Variants in ARHGEF11 observed in about 807,000 individuals in gnomAD.
ARHGEF11 encodes Rho guanine nucleotide exchange factor 11.
Under a neutral mutation model 193.7 loss-of-function variants are expected in ARHGEF11, and 55 were observed. The ratio of observed to expected loss-of-function variants is 0.28; its 90% CI spans 0.23 to 0.36. ARHGEF11 has a LOEUF of 0.36. ARHGEF11 is among the 10% of genes least tolerant of loss of function. The pLI is 1.00. For synonymous variants in ARHGEF11, 693 were observed against 768.0 expected (o/e 0.90, Z 1.62); for missense variants, 1,723 against 2,005.6 (o/e 0.86, Z 2.69).
chr1:156,997,724 C>A (rs1666720929), intron 1 of ARHGEF11, among the ~76,000 whole-genome samples: 1 of 150,648 alleles, frequency 6.6e-6, no homozygotes, highest in South Asian at 2.1e-4. Flanking sequence ...GTATAAAATG[C>A]ACATCAGATT....
At chr1:156,988,052 G>C (rs1665181615) in intron 1 of ARHGEF11, among the ~76,000 whole-genome samples, 1 of 152,200 alleles carries the variant, frequency 6.6e-6, no homozygotes, top group Non-Finnish European at 1.5e-5. Flanking sequence ...TCTGGCCTCA[G>C]CTAGGCCATT....
intron 1 of ARHGEF11, among the ~76,000 whole-genome samples, chr1:157,031,507 G>A (rs1432066291): frequency 6.6e-6 from 1 of 152,198 alleles, no homozygotes; most frequent in Non-Finnish European, 1.5e-5. Context: ...GCCAGGCCAT[G>A]TCATGTACCT....
intron 1 of ARHGEF11, among the ~76,000 whole-genome samples, chr1:157,012,370 AT>A (rs1668644992): frequency 6.6e-6 from 1 of 152,192 alleles, no homozygotes; most frequent in Non-Finnish European, 1.5e-5. Flanking sequence ...TAGGGTTTCC[AT>A]TTGGGATACT....
chr1:157,029,686 T>C (rs1165774294), intron 1 of ARHGEF11, among the ~76,000 whole-genome samples: 1 of 152,092 alleles, frequency 6.6e-6, no homozygotes, highest in Non-Finnish European at 1.5e-5. Flanking sequence ...CACAAAAACC[T>C]GCACACAAAT....
intron 1 of ARHGEF11, among the ~76,000 whole-genome samples, chr1:157,036,096 CATATATGAAT>C (rs1485014849): frequency 1.1e-4 from 15 of 135,394 alleles, no homozygotes; most frequent in East Asian, 6.2e-4. Flanking sequence ...TATGAAAATA[CATATATGAAT>C]ATATATGAAT....
chr1:156,980,527 T>C, intron 3 of ARHGEF11, 41 bp from the exon 4 acceptor site: 2 of 1,566,642 alleles, frequency 1.3e-6, no homozygotes, highest in Non-Finnish European at 1.7e-6. Context: ...CAACAACCTC[T>C]TCCACTGAAG....
intron 1 of ARHGEF11, among the ~76,000 whole-genome samples, chr1:157,013,321 T>G (rs1428872837): frequency 9.9e-6 from 1 of 100,910 alleles, no homozygotes; most frequent in Non-Finnish European, 2.3e-5. Context: ...CTCCGGTGGG[T>G]GGGTTTCTTT....
At chr1:156,951,923 C>T (rs1293065802) in intron 21 of ARHGEF11, among the ~76,000 whole-genome samples, 3 of 152,028 alleles carry the variant, frequency 2.0e-5, no homozygotes, top group Admixed American at 6.5e-5. Context: ...TTTCCTCATG[C>T]GCAAAATGAG....
chr1:156,993,230 TAAAA>T (rs2102575010), intron 1 of ARHGEF11, among the ~76,000 whole-genome samples: 1 of 152,326 alleles, frequency 6.6e-6, no homozygotes, highest in African/African-American at 2.4e-5. Flanking sequence ...TGCTCCTAAA[TAAAA>T]AATTATATGA....
chr1:156,938,910 T>TG (rs2101786922), intron 37 of ARHGEF11: 1 of 205,816 alleles, frequency 4.9e-6, no homozygotes, highest in Admixed American at 5.8e-5. Flanking sequence ...CTTCCCGGGG[T>TG]GGGGACCTTC....
chr1:156,936,491 A>AT (rs1553192701), intron 40 of ARHGEF11, among the ~76,000 whole-genome samples: 1 of 71,384 alleles, frequency 1.4e-5, no homozygotes, highest in African/African-American at 6.1e-5. Context: ...AAAAAAAAAA[A>AT]AAAAAAATAT....
chr1:156,995,376 G>T (rs980331893), intron 1 of ARHGEF11, among the ~76,000 whole-genome samples: 1 of 152,050 alleles, frequency 6.6e-6, no homozygotes, highest in Admixed American at 6.6e-5. Context: ...TTCAACCTCA[G>T]GGGCTTTCTC....
At chr1:156,982,613 C>T (rs1350211488) in intron 3 of ARHGEF11, among the ~76,000 whole-genome samples, 1 of 152,122 alleles carries the variant, frequency 6.6e-6, no homozygotes, top group African/African-American at 2.4e-5. Context: ...CCCTGTAAGC[C>T]ATCTTTTCCT....
chr1:157,007,917 T>TG (rs1668034776), intron 1 of ARHGEF11, among the ~76,000 whole-genome samples: 4 of 137,222 alleles, frequency 2.9e-5, no homozygotes, highest in African/African-American at 8.1e-5. Flanking sequence ...TTTTTTGTTT[T>TG]TTTTTTTTTT....
chr1:156,978,223 G>C lies in ARHGEF11; in HGVS notation c.491C>G (p.Thr164Arg). ...TATTACCTGCAGAGGTTTGGGTCCT[G>C]TGATGCGTTGTGGAGGTGGTAGAGG... ...PPPLPPPQRI[T>R]GPKPLQDPEV... is the part of the protein sequence containing the mutation. Residue 164 changes from threonine (T) to arginine (R), a missense_variant, in exon 6 of 41, where the codon ACA becomes AGA. This residue lies in a region of ARHGEF11 where 646 missense variants were observed against 710.7 expected (regional missense o/e 0.91). Transcript: ENST00000368194. The C allele has an allele frequency of 1.2e-6, 2 of 1,614,208 alleles. No individual in the cohort carries two copies. Among genetic ancestry groups the C allele is most frequent in the South Asian group, 1.1e-5 (1 of 91,084 alleles).
chr1:156,953,950 G>A lies in ARHGEF11; in HGVS notation c.1798+942C>T, dbSNP rs1047736310. On this transcript the variant is annotated intron_variant, in intron 21 of 40. Transcript: ENST00000368194. ...CAGTCAAACGTCAAAAGAGATGGAG[G>A]TGCTATACTGAAGGGCTTAAGTAGA... 3.9e-5 allele frequency among the ~76,000 whole-genome samples: 6 copies of A among 152,288 alleles called. No homozygotes were observed. The South Asian group carries it at 1.2e-3, about 32-fold the overall frequency.
At chr1:157,027,394 A>G (rs572988576) in intron 1 of ARHGEF11, among the ~76,000 whole-genome samples, 1 of 152,290 alleles carries the variant, frequency 6.6e-6, no homozygotes, top group East Asian at 1.9e-4. Flanking sequence ...ACACAAAAAA[A>G]AGAGTGCTGT....
chr1:157,004,874 T>C (rs572925479), intron 1 of ARHGEF11, among the ~76,000 whole-genome samples: 185 of 152,212 alleles, frequency 1.2e-3, no homozygotes, highest in Middle Eastern at 3.4e-3. Flanking sequence ...AAACAACAAC[T>C]TCAATCTCTC....
rs751474509 is a variant in ARHGEF11 at position 156,941,379 on chromosome 1, C to A, written c.3507G>T (p.Leu1169=). 6.2e-7 allele frequency: 1 copy of A among 1,613,686 alleles called. No homozygotes were observed. The highest frequency in any genetic ancestry group is 1.1e-5 in the South Asian group (1 of 91,062). ...VFHGEPEPEE[L]PGGTGSQQRV... ...ACAGTTCAGGGCCCTTACCTCCAGG[C>A]AGCTCCTCAGGTTCAGGTTCACCAT... is the stretch of plus-strand genomic sequence containing the variant. Residue 1169 remains leucine, a synonymous_variant, in exon 35 of 41, where the codon CTG becomes CTT. Coordinates refer to ENST00000368194, the MANE Select transcript of ARHGEF11 (RefSeq NM_198236.3).
Sources: allele counts gnomAD v4.1 joint callset (sites outside exome capture counted in the v4.1 genomes callset), GRCh38; gene constraint gnomAD v4.1.1; regional missense constraint gnomAD v4.1.1; transcripts MANE v1.5; gene names NCBI Gene and HGNC (gene_info 2026-07-23, HGNC 2026-07-21).